AKT2: variants seen among roughly 807,000 people sequenced by gnomAD.
AKT2 encodes AKT serine/threonine kinase 2.
Under a neutral mutation model 58.6 loss-of-function variants are expected in AKT2, and 16 were observed. That is an observed-to-expected ratio of 0.27 (90% CI 0.18 to 0.41). AKT2 has a LOEUF of 0.41. AKT2 is among the 10% of genes least tolerant of loss of function. The probability of loss-of-function intolerance (pLI) is 1.00; values close to 1 mark genes in which losing one functional copy is unlikely to be tolerated. For missense variants in AKT2, 438 were observed against 661.0 expected (o/e 0.66, Z 3.70); for synonymous variants, 253 against 254.0 (o/e 1.00, Z 0.04).
intron 6 of AKT2, chr19:40,240,680 G>GCTCC (rs1193667086): frequency 4.7e-6 from 1 of 211,350 alleles, no homozygotes; most frequent in African/African-American, 2.3e-5. Flanking sequence ...ACCACCAGGA[G>GCTCC]TGGTTCCAAA....
intron 6 of AKT2, 126 bp downstream of exon 6, chr19:40,241,811 AG>A: frequency 1.4e-6 from 2 of 1,405,760 alleles, no homozygotes; most frequent in East Asian, 2.5e-5. Context: ...TTTTCTGACT[AG>A]GGGGAATTTG....
intron 1 of AKT2, chr19:40,275,283 G>A (rs1158707837): frequency 1.8e-5 from 8 of 456,646 alleles, no homozygotes; most frequent in Non-Finnish European, 2.2e-5. Context: ...ACGCATGCAC[G>A]GGAGCCCTCC....
chr19:40,250,935 G>C (rs537277484), intron 4 of AKT2, among the ~76,000 whole-genome samples: 7 of 152,332 alleles, frequency 4.6e-5, no homozygotes, highest in South Asian at 4.1e-4. Context: ...GGGTGTGGTG[G>C]TTTGTGCCTA....
intron 1 of AKT2, among the ~76,000 whole-genome samples, chr19:40,283,532 C>T (rs2077460713): frequency 1.3e-5 from 2 of 152,228 alleles, no homozygotes; most frequent in Admixed American, 1.3e-4. Context: ...CATCTGCCCC[C>T]TCTGACCACA....
At chr19:40,254,614 G>C (rs1223657728) in intron 4 of AKT2, among the ~76,000 whole-genome samples, 1 of 151,600 alleles carries the variant, frequency 6.6e-6, no homozygotes, top group Non-Finnish European at 1.5e-5. Context: ...GATCACCTGA[G>C]GTCAGGAGTT....
rs778353096 is a variant in AKT2 at position 40,282,245 on chromosome 19, C to T, written c.-85+2936G>A. ...GTACCAGGCACCATTCTAGGAGCTT[C>T]TCGTGGATTAATTCATTTAATCCTC... On this transcript the variant is annotated intron_variant, in intron 1 of 13. Coordinates refer to ENST00000392038, the MANE Select transcript of AKT2 (RefSeq NM_001626.6). The T allele has an allele frequency of 9.2e-6, 3 of 324,704 alleles. No homozygotes were observed. The Admixed American group carries it at 1.3e-4, about 14-fold the overall frequency. 20.1% of individuals were successfully genotyped at this position (324,704 alleles called of 1,614,324 possible).
Position 40,235,468 on chromosome 19 carries a change from C to T in AKT2, c.1176-118G>A, listed in dbSNP as rs764190109. On this transcript the variant is annotated intron_variant, in intron 11 of 13. Coordinates refer to ENST00000392038, the MANE Select transcript of AKT2 (RefSeq NM_001626.6). The surrounding 1 kb of genome is among the most constrained non-coding windows in gnomAD (Gnocchi z 6.3). The stretch of plus-strand genomic sequence containing the variant: ...ATGATTCTGTCTTGACCACAAACCA[C>T]TTCACAGAGGAGGAAACCGAGGCTC... 1 of 941,660 alleles carries T rather than the reference C, an allele frequency of 1.1e-6. No homozygotes were observed. The allele number at this position is 941,660 out of a possible 1,614,324, so 58.3% of individuals were successfully genotyped here. A position where few individuals can be genotyped will look rare whatever the true frequency, so the allele number is the denominator to read the frequency against.
rs1973935779 is a variant in AKT2, at chr19:40,235,138, G to A, written c.1273C>T (p.Pro425Ser). The A allele has an allele frequency of 1.2e-6, 2 of 1,614,084 alleles. No homozygotes were observed. Among genetic ancestry groups the A allele is most frequent in the Non-Finnish European group, 1.7e-6 (2 of 1,179,996 alleles). ...QDVVQKKLLP[P>S]FKPQVTSEVD... ...TCGGACGTGACCTGAGGTTTGAAGG[G>A]TGGCAGGAGCTACGGAGGAGAGGAG... The change falls in exon 13 of 14, where the codon CCC (proline) becomes TCC (serine). Residue 425 changes from proline to serine, a missense_variant. Physicochemically the swap from Pro to Ser is moderately conservative, Grantham distance 74. Transcript: ENST00000392038. The surrounding 1 kb of genome is among the most constrained non-coding windows in gnomAD (Gnocchi z 6.3).
intron 1 of AKT2, chr19:40,269,454 G>A (rs1013332506): frequency 1.3e-5 from 2 of 152,158 alleles, no homozygotes; most frequent in African/African-American, 4.8e-5. Context: ...AAACTGACAA[G>A]GCCAACTGCT....
In AKT2 at chr19:40,234,964, C is replaced by G. The variant is rs1401677240; in HGVS notation, c.1366+81G>C. On this transcript the variant is annotated intron_variant, in intron 13 of 13. Transcript: ENST00000392038. This position sits in a 1 kb window ranked among gnomAD's most constrained non-coding sequence, Gnocchi z 4.7. ...TGAAGCGGGGGCCTTCGAGGGCCCT[C>G]CTTGAGAAGTGAGTTAAGAGCAGAT... 2.3e-6 allele frequency: 3 copies of G among 1,303,300 alleles called. No homozygotes were observed. Among genetic ancestry groups the G allele is most frequent in the Non-Finnish European group, 3.3e-6 (3 of 902,282 alleles). The allele number at this position is 1,303,300 out of a possible 1,614,324, so 80.7% of individuals were successfully genotyped here.
intron 1 of AKT2, among the ~76,000 whole-genome samples, chr19:40,282,059 TACAGAGGCTGGAAACCAGA>T (rs2077433114): frequency 6.6e-6 from 1 of 152,078 alleles, no homozygotes; most frequent in Non-Finnish European, 1.5e-5. Context: ...TACACCTCTT[TACAGAGGCTGGAAACCAGA>T]ACATTGAAGT....
At position 40,242,181 on chromosome 19, in the gene AKT2, G is replaced by A; in HGVS notation, c.442-112C>T. On this transcript the variant is annotated intron_variant, in intron 5 of 13. Transcript: ENST00000392038. This position sits in a 1 kb window ranked among gnomAD's most constrained non-coding sequence, Gnocchi z 4.3. ...AAAGACACTGTTGCCAAACGGCTTA[G>A]GCTGGAGCAGGAAGGGAGGCTCTGG... 6.8e-7 allele frequency: 1 copy of A among 1,481,208 alleles called. No homozygotes were observed. The highest frequency in any genetic ancestry group is 9.3e-7 in the Non-Finnish European group (1 of 1,080,724). 91.8% of individuals were successfully genotyped at this position (1,481,208 alleles called of 1,614,324 possible).
At chr19:40,273,359 A>G (rs539982425) in intron 1 of AKT2, 1 of 147,590 alleles carries the variant, frequency 6.8e-6, no homozygotes, top group South Asian at 2.1e-4. Context: ...AAAAAAAATT[A>G]TTATTTCCTC....
At chr19:40,269,598 G>A (rs749367507) in intron 1 of AKT2, 2 of 152,068 alleles carry the variant, frequency 1.3e-5, no homozygotes, top group Non-Finnish European at 2.9e-5. Flanking sequence ...CTAGCAATTC[G>A]TCTCAAGGAA....
intron 4 of AKT2, among the ~76,000 whole-genome samples, chr19:40,247,925 T>A (rs1049816223): frequency 6.6e-6 from 1 of 152,012 alleles, no homozygotes; most frequent in Non-Finnish European, 1.5e-5. Flanking sequence ...AACCTTCTCA[T>A]CCTCATTTGG....
At chr19:40,279,332 CT>C (rs1224353967) in intron 1 of AKT2, 2 of 152,686 alleles carry the variant, frequency 1.3e-5, no homozygotes, top group Admixed American at 1.3e-4. Context: ...CCCACACTCA[CT>C]CCCTCCCTCC....
chr19:40,259,558 G>T (rs1340040134), intron 2 of AKT2, among the ~76,000 whole-genome samples: 1 of 152,036 alleles, frequency 6.6e-6, no homozygotes, highest in East Asian at 1.9e-4. Context: ...AAATGCACAA[G>T]CAACAAAAAG....
rs984559528 is a variant in AKT2 at position 40,237,831 on chromosome 19, C to A, written c.831+138G>T. The stretch of plus-strand genomic sequence containing the variant: ...CCCTGGACCTTGGTGGGGAGCCTGG[C>A]GAATGAGGGCAGCCACCACCCTGGA... On this transcript the variant is annotated intron_variant, in intron 9 of 13. Transcript: ENST00000392038. This position sits in a 1 kb window ranked among gnomAD's most constrained non-coding sequence, Gnocchi z 4.5. The A allele has an allele frequency of 7.9e-7, 1 of 1,270,976 alleles. No individual in the cohort carries two copies. The highest frequency in any genetic ancestry group is 1.1e-6 in the Non-Finnish European group (1 of 923,708). The allele number at this position is 1,270,976 out of a possible 1,614,324, so 78.7% of individuals were successfully genotyped here. A position where few individuals can be genotyped will look rare whatever the true frequency, so the allele number is the denominator to read the frequency against.
At chr19:40,274,956 G>C in intron 1 of AKT2, 1 of 410,396 alleles carries the variant, frequency 2.4e-6, no homozygotes, top group South Asian at 1.8e-5. Context: ...AGTCCTTAGG[G>C]AGGCAGCCCT....
Sources: gnomAD v4.1 joint callset for allele counts (sites outside exome capture counted in the v4.1 genomes callset) on GRCh38, gnomAD v4.1.1 for gene constraint, Gnocchi (gnomAD v3.1) non-coding constraint, MANE v1.5 for transcripts, NCBI Gene and HGNC (gene_info 2026-07-23, HGNC 2026-07-21) for gene names.